The following CLOCK variants were observed in gnomAD, a reference collection of about 807,000 sequenced individuals.
CLOCK encodes clock circadian regulator, also known as circadian locomoter output cycles protein kaput.
In CLOCK, 43 loss-of-function variants were observed where a neutral mutation model predicts 118.4. The ratio of observed to expected loss-of-function variants is 0.36; its 90% confidence interval spans 0.28 to 0.47. The LOEUF (loss-of-function observed/expected upper bound fraction) is 0.47. Among genes scored for constraint, CLOCK ranks in the 20% least tolerant of loss-of-function variants. CLOCK has a pLI of 1.00. For synonymous variants in CLOCK, 326 were observed against 339.2 expected, an observed-to-expected ratio of 0.96 and a Z score of 0.43; for missense variants, 846 against 999.9, an observed-to-expected ratio of 0.85 and a Z score of 2.08.
intron 1 of CLOCK, among the ~76,000 whole-genome samples, chr4:55,525,961 T>C (rs953957464): frequency 4.6e-5 from 7 of 151,872 alleles, no homozygotes; most frequent in Non-Finnish European, 8.8e-5. Context: ...GTATCCCTAA[T>C]ACAAAAATCC....
At chr4:55,450,701 G>A (rs867745599) in intron 15 of CLOCK, among the ~76,000 whole-genome samples, 1 of 152,008 alleles carries the variant, frequency 6.6e-6, no homozygotes, top group Non-Finnish European at 1.5e-5. Flanking sequence ...CTGAGGAGGC[G>A]GAGGATGTAG....
chr4:55,453,103 C>T lies in CLOCK; in HGVS notation c.1157G>A (p.Arg386Gln), dbSNP rs1385600505. ...VSYAEVRAER[R>Q]RELGIEESLP... is the part of the protein sequence containing the mutation. Reference sequence around the variant, plus strand: ...AGACTCTTCAATGCCAAGTTCTCGTCGTCTTTCAGCCCTAACTTCTGCATA... The same window carrying T: ...AGACTCTTCAATGCCAAGTTCTCGTTGTCTTTCAGCCCTAACTTCTGCATA... The change falls in exon 15 of 23, where the codon CGA (arginine) becomes CAA (glutamine). Residue 386 changes from arginine (R) to glutamine (Q), a missense_variant. By Grantham distance (43) the Arg-to-Gln change is conservative. Transcript: ENST00000513440. 1.5e-5 allele frequency: 24 copies of T among 1,612,604 alleles called. No homozygotes were observed. The Admixed American group carries it at 1.7e-4, about 11-fold the overall frequency.
At chr4:55,534,166 C>T (rs11133397) in intron 1 of CLOCK, among the ~76,000 whole-genome samples, 4 of 151,842 alleles carry the variant, frequency 2.6e-5, no homozygotes, top group African/African-American at 7.3e-5. Context: ...TAATATGCAG[C>T]GAGTCAAGTG....
At chr4:55,489,657 C>T (rs1051586817) in intron 2 of CLOCK, among the ~76,000 whole-genome samples, 192 bp from the exon 3 acceptor site, 1 of 151,932 alleles carries the variant, frequency 6.6e-6, no homozygotes, top group Non-Finnish European at 1.5e-5. Flanking sequence ...AAAACAATCA[C>T]TTAATTCTGG....
chr4:55,526,604 T>G (rs1283153544), intron 1 of CLOCK, among the ~76,000 whole-genome samples: 2 of 151,970 alleles, frequency 1.3e-5, no homozygotes, highest in African/African-American at 2.4e-5. Context: ...ATCATACTAC[T>G]GTGTCTGCCC....
intron 15 of CLOCK, 115 bp downstream of exon 15, chr4:55,452,939 G>A (rs1724596614): frequency 3.9e-6 from 3 of 762,950 alleles, no homozygotes; most frequent in Non-Finnish European, 2.2e-6. Context: ...TCACATCCCC[G>A]TTATAAGTGA....
At chr4:55,533,628 C>A (rs1174717796) in intron 1 of CLOCK, among the ~76,000 whole-genome samples, 1 of 152,152 alleles carries the variant, frequency 6.6e-6, no homozygotes, top group South Asian at 2.1e-4. Context: ...TAAGGCCAGG[C>A]ATGGTGGCTC....
intron 12 of CLOCK, 105 bp downstream of exon 12, chr4:55,456,113 G>A (rs1196517288): frequency 1.5e-6 from 2 of 1,316,266 alleles, no homozygotes; most frequent in Admixed American, 2.0e-5. Flanking sequence ...AATGGGAACA[G>A]GTTTCAAAGT....
chr4:55,454,860 C>T (rs1724802600), intron 13 of CLOCK, among the ~76,000 whole-genome samples: 1 of 146,928 alleles, frequency 6.8e-6, no homozygotes. Flanking sequence ...CCCCACCCCC[C>T]AACCCCGCCG....
intron 8 of CLOCK, among the ~76,000 whole-genome samples, chr4:55,466,869 C>T (rs1233014936): frequency 1.3e-5 from 2 of 152,160 alleles, no homozygotes; most frequent in South Asian, 4.1e-4. Context: ...ATCTCCCTTA[C>T]TCGTTTCATG....
intron 15 of CLOCK, 189 bp downstream of exon 15, chr4:55,452,865 A>G (rs1359564531): frequency 2.1e-6 from 1 of 484,992 alleles, no homozygotes; most frequent in Non-Finnish European, 3.7e-6. Context: ...CTCTCATCCA[A>G]TTTTCTTTTT....
intron 6 of CLOCK, 79 bp downstream of exon 6, chr4:55,478,736 A>G: frequency 7.1e-7 from 1 of 1,401,234 alleles, no homozygotes; most frequent in African/African-American, 1.4e-5. Flanking sequence ...CCAAGGAAGC[A>G]TCCAATCTTA....
chr4:55,513,809 T>C (rs1443207465), intron 1 of CLOCK, among the ~76,000 whole-genome samples: 3 of 152,100 alleles, frequency 2.0e-5, no homozygotes, highest in Non-Finnish European at 2.9e-5. Context: ...ATCAGAGTTT[T>C]GAAGTTTTCT....
At chr4:55,523,641 C>T (rs867895195) in intron 1 of CLOCK, among the ~76,000 whole-genome samples, 5 of 152,142 alleles carry the variant, frequency 3.3e-5, no homozygotes, top group African/African-American at 7.2e-5. Context: ...ACATAATCAT[C>T]CTGTACTGCT....
intron 2 of CLOCK, among the ~76,000 whole-genome samples, chr4:55,496,207 C>A (rs1728071012): frequency 6.6e-6 from 1 of 151,126 alleles, no homozygotes; most frequent in Admixed American, 6.6e-5. Context: ...AAGAAACAAT[C>A]AAAAAACAAA....
At chr4:55,499,861 T>C (rs1417660057) in intron 2 of CLOCK, among the ~76,000 whole-genome samples, 2 of 152,198 alleles carry the variant, frequency 1.3e-5, no homozygotes, top group Non-Finnish European at 2.9e-5. Context: ...TGTGTGTTCA[T>C]ACATGCAATT....
In CLOCK at chr4:55,544,857, T is replaced by C. The variant is rs1731503249; in HGVS notation, c.-290+1925A>G. ...AATTTCTTTATATAAAGAGCAAACA[T>C]AAACTTGTATTATTACACCTCGCCC... On this transcript the variant is annotated intron_variant, in intron 1 of 22. Transcript: ENST00000513440. Among the ~76,000 whole-genome samples the C allele has an allele frequency of 3.9e-5, 6 of 152,290 alleles. No individual in the cohort carries two copies. In the South Asian group the frequency reaches 1.2e-3, roughly 32 times the overall value.
chr4:55,447,832 G>C (rs1723996337), intron 18 of CLOCK, among the ~76,000 whole-genome samples: 1 of 152,106 alleles, frequency 6.6e-6, no homozygotes, highest in African/African-American at 2.4e-5. Flanking sequence ...GACCTGCTAA[G>C]TTAAGGTATA....
chr4:55,504,877 T>C (rs7684048), intron 2 of CLOCK, among the ~76,000 whole-genome samples: 2,477 of 152,264 alleles, frequency 0.016, 62 homozygotes, highest in African/African-American at 0.057. Flanking sequence ...CATAAACTTA[T>C]TAAATCCAGC....
Sources: allele counts gnomAD v4.1 joint callset (sites outside exome capture counted in the v4.1 genomes callset), GRCh38; gene constraint gnomAD v4.1.1; transcripts MANE v1.5; gene names NCBI Gene and HGNC (gene_info 2026-07-23, HGNC 2026-07-21).